The following MKLN1 variants were observed in gnomAD, a reference collection of about 807,000 sequenced individuals.
MKLN1 encodes the protein muskelin.
In MKLN1, 18 loss-of-function variants were observed where a neutral mutation model predicts 99.0. The observed-to-expected ratio is 0.18, with a 90% CI of 0.13 to 0.27. MKLN1 has a LOEUF of 0.27. Among genes scored for constraint, MKLN1 ranks in the 10% least tolerant of loss-of-function variants. The probability of loss-of-function intolerance (pLI) is 1.00; values close to 1 mark genes in which losing one functional copy is unlikely to be tolerated. For missense variants in MKLN1, 621 were observed against 875.9 expected, an observed-to-expected ratio of 0.71 and a Z score of 3.67; for synonymous variants, 288 against 293.2, an observed-to-expected ratio of 0.98 and a Z score of 0.18.
intron 15 of MKLN1, among the ~76,000 whole-genome samples, chr7:131,467,906 G>A (rs1356736858): frequency 1.3e-5 from 2 of 152,216 alleles, no homozygotes; most frequent in African/African-American, 4.8e-5. Context: ...GGCACTTTAG[G>A]TTTGAGAAGT....
At chr7:131,123,865 C>G (rs1866597) in intron 1 of MKLN1, among the ~76,000 whole-genome samples, 150,737 of 152,252 alleles carry the variant, frequency 0.99, 74,645 homozygotes, top group Middle Eastern at 1. Flanking sequence ...ATAGATAATT[C>G]ATAAGTAGGT....
chr7:131,142,864 A>G (rs1193673522), exon 2 of MKLN1: 1 of 1,286,822 alleles, frequency 7.8e-7, no homozygotes, highest in African/African-American at 1.5e-5. Flanking sequence ...GATCATCCAA[A>G]CATTCCATCC....
At position 131,387,182 on chromosome 7, in the gene MKLN1, G is replaced by A; in HGVS notation, c.231G>A (p.Glu77=). 1.9e-6 allele frequency: 3 copies of A among 1,612,208 alleles called. No individual in the cohort carries two copies. Among genetic ancestry groups the A allele is most frequent in the Non-Finnish European group, 2.5e-6 (3 of 1,179,038 alleles). The change falls in exon 3 of 18, where the codon GAG becomes GAA. Residue 77 remains glutamate (E), a synonymous_variant. Transcript: ENST00000352689. ...IVQNITFGKY[E]KTHVCNLKKF... is the part of the protein sequence containing the mutation. ...AGAATATCACATTTGGAAAATATGAGAAAACTCATGTTTGCAATTTGAAGA... is the reference window on the plus strand; with the variant it reads ...AGAATATCACATTTGGAAAATATGAAAAAACTCATGTTTGCAATTTGAAGA...
intron 3 of MKLN1, among the ~76,000 whole-genome samples, chr7:131,265,943 G>A (rs1031836889): frequency 2.6e-5 from 4 of 152,086 alleles, no homozygotes; most frequent in African/African-American, 9.7e-5. Context: ...GGAGGCCAAG[G>A]CCAGTGGATC....
intron 2 of MKLN1, among the ~76,000 whole-genome samples, chr7:131,154,893 T>C (rs1465403472): frequency 6.6e-6 from 1 of 152,198 alleles, no homozygotes; most frequent in Non-Finnish European, 1.5e-5. Flanking sequence ...ATTAGTTTTG[T>C]CAGATCACCT....
intron 1 of MKLN1, among the ~76,000 whole-genome samples, chr7:131,331,698 G>A (rs1799080160): frequency 6.6e-6 from 1 of 152,146 alleles, no homozygotes. Context: ...TGTTACGAAA[G>A]CTGTTCATTA....
At chr7:131,287,877 C>T (rs1349317691) in intron 3 of MKLN1, among the ~76,000 whole-genome samples, 1 of 152,082 alleles carries the variant, frequency 6.6e-6, no homozygotes, top group African/African-American at 2.4e-5. Flanking sequence ...TTATAAGGGG[C>T]TCTTCCCCCT....
intron 3 of MKLN1, among the ~76,000 whole-genome samples, chr7:131,223,521 G>A (rs769256817): frequency 6.6e-6 from 1 of 152,120 alleles, no homozygotes; most frequent in Non-Finnish European, 1.5e-5. Context: ...CTTGTGTTGC[G>A]GGACCAGGCC....
rs558515829 is a variant in MKLN1 at position 131,422,572 on chromosome 7, A to G, written c.848-6461A>G. 9.8e-5 allele frequency among the ~76,000 whole-genome samples: 15 copies of G among 152,310 alleles called. No individual in the cohort carries two copies. The South Asian group carries it at 3.1e-3, about 32-fold the overall frequency. On this transcript the variant is annotated intron_variant, in intron 8 of 17. Coordinates refer to ENST00000352689, the MANE Select transcript of MKLN1 (RefSeq NM_013255.5). The stretch of plus-strand genomic sequence containing the variant: ...CTGTCTCCGGAAATTGTTTTAAAAA[A>G]AGAACACCTTCACTAGAGTAAAACT...
chr7:131,182,744 T>G (rs1402268525), intron 2 of MKLN1, among the ~76,000 whole-genome samples: 2 of 152,224 alleles, frequency 1.3e-5, no homozygotes, highest in Admixed American at 6.5e-5. Context: ...ATGTTCTTTT[T>G]CTCTGGCCTG....
At chr7:131,376,299 G>A (rs1239100676) in intron 2 of MKLN1, among the ~76,000 whole-genome samples, 6 of 148,024 alleles carry the variant, frequency 4.1e-5, no homozygotes, top group South Asian at 2.1e-4. Context: ...GAGGCTAGGC[G>A]TTCGAGGCTA....
intron 3 of MKLN1, among the ~76,000 whole-genome samples, chr7:131,314,196 G>A (rs1314129729): frequency 1.3e-5 from 2 of 152,122 alleles, no homozygotes; most frequent in Non-Finnish European, 2.9e-5. Context: ...AAAAGTCAAA[G>A]GGATCAGGCG....
At chr7:131,419,045 C>T (rs1216965854) in intron 8 of MKLN1, among the ~76,000 whole-genome samples, 1 of 151,986 alleles carries the variant, frequency 6.6e-6, no homozygotes, top group African/African-American at 2.4e-5. Context: ...CATTCCCAAT[C>T]TTTTATTTCA....
At chr7:131,283,827 C>T (rs751893403) in intron 3 of MKLN1, among the ~76,000 whole-genome samples, 15 of 152,190 alleles carry the variant, frequency 9.9e-5, no homozygotes, top group Non-Finnish European at 1.5e-4. Flanking sequence ...AGTTTTACTA[C>T]ACAATAGGCA....
intron 6 of MKLN1, among the ~76,000 whole-genome samples, chr7:131,408,335 T>C (rs3847107): frequency 0.37 from 56,777 of 152,018 alleles, 10,754 homozygotes; most frequent in East Asian, 0.49. Context: ...AAAATTCTTT[T>C]TGATCTAATC....
intron 2 of MKLN1, among the ~76,000 whole-genome samples, chr7:131,144,357 C>T (rs1795785390): frequency 6.6e-6 from 1 of 151,504 alleles, no homozygotes; most frequent in African/African-American, 2.4e-5. Flanking sequence ...TGGTGGGCGC[C>T]TGTAGTCCCA....
rs556512932 is a variant in MKLN1 at position 131,247,787 on chromosome 7, G to A, written c.-179+44813G>A. Reference sequence around the variant, plus strand: ...TAGTATTCCCATTTGAACTGGCAGGGTTTTGTCTTAGCGTTAAGAAATAGA... The same window carrying A: ...TAGTATTCCCATTTGAACTGGCAGGATTTTGTCTTAGCGTTAAGAAATAGA... On this transcript the variant is annotated intron_variant, in intron 3 of 7. Coordinates refer to the MKLN1 transcript ENST00000416992. Among the ~76,000 whole-genome samples, 32 of 152,264 alleles carry A rather than the reference G, an allele frequency of 2.1e-4. No individual in the cohort carries two copies. The South Asian group carries it at 6.4e-3, about 31-fold the overall frequency.
chr7:131,396,468 C>T (rs1794364004), intron 4 of MKLN1, among the ~76,000 whole-genome samples: 1 of 152,050 alleles, frequency 6.6e-6, no homozygotes, highest in African/African-American at 2.4e-5. Flanking sequence ...GTTGAGACCT[C>T]TAATTAGTGA....
At chr7:131,174,557 C>T (rs1442242202) in intron 2 of MKLN1, among the ~76,000 whole-genome samples, 1 of 152,066 alleles carries the variant, frequency 6.6e-6, no homozygotes, top group South Asian at 2.1e-4. Flanking sequence ...TATCTCTTCC[C>T]GACATGAGGT....
Sources: allele counts gnomAD v4.1 joint callset (sites outside exome capture counted in the v4.1 genomes callset), GRCh38; gene constraint gnomAD v4.1.1; transcripts MANE v1.5; gene names NCBI Gene and HGNC (gene_info 2026-07-23, HGNC 2026-07-21).